LPIN1: variants seen among roughly 807,000 people sequenced by gnomAD.
LPIN1 encodes the protein phosphatidate phosphatase LPIN1.
A neutral mutation model predicts 107.5 loss-of-function variants in LPIN1; 71 were observed. The ratio of observed to expected loss-of-function variants is 0.66; its 90% CI spans 0.55 to 0.80. The LOEUF is 0.80. Ranked by LOEUF, LPIN1 falls within the 30% of genes least tolerant of loss-of-function variation. LPIN1 has a pLI of 0.00. For synonymous variants in LPIN1, 445 were observed against 452.6 expected (o/e 0.98, Z 0.21); for missense variants, 1,043 against 1,160.6 (o/e 0.90, Z 1.47).
chr2:11,729,469 C>A (rs1664983022), intron 1 of LPIN1, among the ~76,000 whole-genome samples: 1 of 152,220 alleles, frequency 6.6e-6, no homozygotes, highest in Admixed American at 6.5e-5. Context: ...CAGAGCATTG[C>A]TACTGTTTTT....
At chr2:11,735,863 G>A (rs1665745727) in intron 1 of LPIN1, among the ~76,000 whole-genome samples, 1 of 152,212 alleles carries the variant, frequency 6.6e-6, no homozygotes, top group Non-Finnish European at 1.5e-5. Flanking sequence ...ACTTAGCACT[G>A]TAGATTTTAT....
At chr2:11,696,239 G>T (rs2148512011) in intron 1 of LPIN1, among the ~76,000 whole-genome samples, 1 of 150,346 alleles carries the variant, frequency 6.7e-6, no homozygotes, top group East Asian at 2.0e-4. Flanking sequence ...GTGTCCATGT[G>T]TTCTCATTGT....
At chr2:11,696,018 C>G (rs531732334) in intron 1 of LPIN1, among the ~76,000 whole-genome samples, 29 of 150,918 alleles carry the variant, frequency 1.9e-4, no homozygotes, top group African/African-American at 7.1e-4. Flanking sequence ...CCTTCACCAT[C>G]CTATGGCTCT....
Position 11,697,237 on chromosome 2 carries a change from C to A in LPIN1, c.82-16519C>A, listed in dbSNP as rs1160540813. On this transcript the variant is annotated intron_variant, in intron 1 of 21. Transcript: ENST00000449576. This position sits in a 1 kb window ranked among gnomAD's most constrained non-coding sequence, Gnocchi z 4.6. ...GCAATCGGAGGGCTGCGTGCTCCCC[C>A]TGATCAGCCCCCAGCTGCTTCTGGA... Among the ~76,000 whole-genome samples, 1 of 152,248 alleles carries A rather than the reference C, an allele frequency of 6.6e-6. No individual in the cohort carries two copies. Among genetic ancestry groups the A allele is most frequent in the Non-Finnish European group, 1.5e-5 (1 of 68,042 alleles).
intron 20 of LPIN1, among the ~76,000 whole-genome samples, chr2:11,822,388 T>A (rs1030931978): frequency 6.6e-6 from 1 of 151,126 alleles, no homozygotes; most frequent in African/African-American, 2.4e-5. Flanking sequence ...AGACGGAGGT[T>A]GCAGTGAGCC....
intron 2 of LPIN1, among the ~76,000 whole-genome samples, chr2:11,719,012 T>C (rs1044964446): frequency 2.6e-5 from 4 of 152,254 alleles, no homozygotes; most frequent in Non-Finnish European, 5.9e-5. Context: ...TTTCACTTTC[T>C]ATTGTTATTA....
chr2:11,780,648 G>A (rs1035567283), intron 7 of LPIN1, among the ~76,000 whole-genome samples: 4 of 152,196 alleles, frequency 2.6e-5, no homozygotes, highest in African/African-American at 9.7e-5. Flanking sequence ...GAGGCAGCAG[G>A]TTATTCTGGG....
intron 20 of LPIN1, among the ~76,000 whole-genome samples, chr2:11,822,263 T>C (rs1167462338): frequency 7.6e-6 from 1 of 132,400 alleles, no homozygotes; most frequent in African/African-American, 3.0e-5. Flanking sequence ...AAACCCTGTC[T>C]CTACTAGAAA....
chr2:11,755,722 T>TC (rs1668572514), intron 1 of LPIN1, among the ~76,000 whole-genome samples: 1 of 150,032 alleles, frequency 6.7e-6, no homozygotes, highest in African/African-American at 2.5e-5. Flanking sequence ...GACACTTAGT[T>TC]CTTTTTTTTT....
chr2:11,819,312 G>T (rs1028709878), intron 18 of LPIN1, 172 bp from the exon 19 acceptor site: 2 of 599,550 alleles, frequency 3.3e-6, no homozygotes, highest in African/African-American at 1.9e-5. Context: ...TTGAAAGTAC[G>T]GGTTTACTTT....
In LPIN1 at chr2:11,716,733, G is replaced by T. The variant is rs371119819; in HGVS notation, c.138+2921G>T. Among the ~76,000 whole-genome samples the T allele has an allele frequency of 1.8e-4, 27 of 152,216 alleles. No individual in the cohort carries two copies. The South Asian group carries it at 5.2e-3, about 29-fold the overall frequency. The stretch of plus-strand genomic sequence containing the variant: ...AGTTTTTCTAAGAGGTCAAGCTCTT[G>T]GTTTGAAGAATCTAGCTGTGAAATA... On this transcript the variant is annotated intron_variant, in intron 2 of 21. Coordinates refer to the LPIN1 transcript ENST00000449576.
At chr2:11,764,111 C>CAT (rs1670389869) in intron 1 of LPIN1, 1 of 144,740 alleles carries the variant, frequency 6.9e-6, no homozygotes, top group African/African-American at 2.5e-5. Context: ...TATACACACA[C>CAT]ACACACACAA....
At chr2:11,699,745 G>A (rs1186517516) in intron 1 of LPIN1, among the ~76,000 whole-genome samples, 1 of 152,096 alleles carries the variant, frequency 6.6e-6, no homozygotes, top group African/African-American at 2.4e-5. Flanking sequence ...TGAATCTGGG[G>A]CTGCTTTTAG....
chr2:11,735,090 G>A (rs921088840), intron 1 of LPIN1, among the ~76,000 whole-genome samples: 1 of 152,006 alleles, frequency 6.6e-6, no homozygotes, highest in Non-Finnish European at 1.5e-5. Flanking sequence ...TCAGGAGTTC[G>A]AGACCAACCT....
At chr2:11,791,459 T>C (rs1365684346) in intron 12 of LPIN1, among the ~76,000 whole-genome samples, 1 of 152,368 alleles carries the variant, frequency 6.6e-6, no homozygotes, top group East Asian at 1.9e-4. Context: ...AAATTTACCC[T>C]TAGTAAAAAT....
chr2:11,713,741 G>A (rs1231573565), intron 1 of LPIN1: 4 of 1,445,048 alleles, frequency 2.8e-6, no homozygotes, highest in Non-Finnish European at 2.8e-6. Flanking sequence ...AATTTCTAAT[G>A]TTTTTGTTTT....
At chr2:11,808,898 A>C (rs993028769) in intron 17 of LPIN1, among the ~76,000 whole-genome samples, 15 of 150,994 alleles carry the variant, frequency 9.9e-5, no homozygotes, top group African/African-American at 3.6e-4. Flanking sequence ...AGAGAGCGAG[A>C]GAGAGAGAAA....
chr2:11,807,679 C>G (rs1416739797), intron 17 of LPIN1, among the ~76,000 whole-genome samples: 2 of 151,994 alleles, frequency 1.3e-5, no homozygotes, highest in Non-Finnish European at 2.9e-5. Flanking sequence ...CAGATACTGC[C>G]CGGAGCATGA....
At chr2:11,812,444 G>T (rs572559174) in intron 17 of LPIN1, among the ~76,000 whole-genome samples, 2 of 152,138 alleles carry the variant, frequency 1.3e-5, no homozygotes, top group East Asian at 3.9e-4. Context: ...TTCATCGCAT[G>T]GGGGAGGTCA....
Sources: gnomAD v4.1 joint callset for allele counts (sites outside exome capture counted in the v4.1 genomes callset) on GRCh38, gnomAD v4.1.1 for gene constraint, Gnocchi (gnomAD v3.1) non-coding constraint, MANE v1.5 for transcripts, NCBI Gene and HGNC (gene_info 2026-07-23, HGNC 2026-07-21) for gene names.